PREX2: variants seen among roughly 807,000 people sequenced by gnomAD.
PREX2 encodes phosphatidylinositol 3,4,5-trisphosphate-dependent Rac exchanger 2 protein.
Under a neutral mutation model 203.2 loss-of-function variants are expected in PREX2, and 107 were observed. That is an observed-to-expected ratio of 0.53 (90% CI 0.45 to 0.62). The LOEUF (loss-of-function observed/expected upper bound fraction) is 0.62, where lower values mean the gene tolerates loss of function less well. Among genes scored for constraint, PREX2 ranks in the 20% least tolerant of loss-of-function variants. The probability of loss-of-function intolerance (pLI) is 0.00; values close to 1 mark genes in which losing one functional copy is unlikely to be tolerated. For missense variants in PREX2, 1,777 were observed against 1,955.9 expected (o/e 0.91, Z 1.72); for synonymous variants, 672 against 663.6 (o/e 1.01, Z -0.19).
intron 39 of PREX2, among the ~76,000 whole-genome samples, chr8:68,230,987 A>G (rs948942837): frequency 6.6e-6 from 1 of 152,162 alleles, no homozygotes; most frequent in Non-Finnish European, 1.5e-5. Flanking sequence ...CATGATGGTA[A>G]TTATCGTAAT....
intron 39 of PREX2, among the ~76,000 whole-genome samples, chr8:68,229,087 A>G (rs1439750393): frequency 6.6e-6 from 1 of 152,064 alleles, no homozygotes; most frequent in Non-Finnish European, 1.5e-5. Flanking sequence ...TTGATGCTTT[A>G]ACCTTGAAAG....
intron 35 of PREX2, among the ~76,000 whole-genome samples, chr8:68,182,359 T>A (rs147945731): frequency 2.0e-5 from 3 of 152,246 alleles, no homozygotes; most frequent in Non-Finnish European, 4.4e-5. Flanking sequence ...TATTTTTCTC[T>A]TGACTATAGT....
At chr8:67,960,495 C>CA (rs1248470536) in intron 1 of PREX2, among the ~76,000 whole-genome samples, 1 of 152,098 alleles carries the variant, frequency 6.6e-6, no homozygotes, top group Non-Finnish European at 1.5e-5. Context: ...AGCCTGGAGG[C>CA]ATAAGGACAA....
intron 7 of PREX2, among the ~76,000 whole-genome samples, chr8:68,042,388 A>C (rs929821325): frequency 2.0e-5 from 3 of 152,066 alleles, no homozygotes; most frequent in Non-Finnish European, 4.4e-5. Flanking sequence ...CTTGTTTAGG[A>C]GTTTTAAAAA....
chr8:68,194,921 A>G (rs919452858), intron 37 of PREX2, among the ~76,000 whole-genome samples: 3 of 143,834 alleles, frequency 2.1e-5, no homozygotes, highest in Non-Finnish European at 3.1e-5. Flanking sequence ...TGTTCAAGCA[A>G]CAACAAGGAG....
chr8:68,023,281 C>A (rs574396788), intron 4 of PREX2, among the ~76,000 whole-genome samples: 2 of 152,240 alleles, frequency 1.3e-5, no homozygotes, highest in South Asian at 4.1e-4. Context: ...ATATCTTTGC[C>A]AACACTTGGC....
intron 35 of PREX2, among the ~76,000 whole-genome samples, chr8:68,182,638 G>A (rs1382717593): frequency 2.6e-5 from 4 of 151,832 alleles, no homozygotes; most frequent in Admixed American, 2.0e-4. Flanking sequence ...TGTAAGTATA[G>A]TAACTTCAAC....
rs527588238 is a variant in PREX2 at position 68,231,470 on chromosome 8, A to G, written c.*92A>G. The G allele has an allele frequency of 5.2e-4, 468 of 897,422 alleles. 3 individuals carry two copies. In the African/African-American group the frequency reaches 8.2e-3, roughly 16 times the overall value. 55.6% of individuals were successfully genotyped at this position (897,422 alleles called of 1,614,324 possible). On this transcript the variant is annotated 3_prime_UTR_variant, in exon 40 of 40. Transcript: ENST00000288368. Reference sequence around the variant, plus strand: ...GCTAAACATTCTCCACTGAAGATACATCAATGCTTTTTTTTTTTTTTTTTT... The same window carrying G: ...GCTAAACATTCTCCACTGAAGATACGTCAATGCTTTTTTTTTTTTTTTTTT...
intron 15 of PREX2, among the ~76,000 whole-genome samples, 161 bp from the exon 16 acceptor site, chr8:68,080,282 G>T (rs202097107): frequency 1.3e-5 from 2 of 150,730 alleles, no homozygotes; most frequent in African/African-American, 4.9e-5. Context: ...TATAGAAAGA[G>T]AAAAAAAACA....
At chr8:68,228,136 C>T (rs117255082) in intron 39 of PREX2, among the ~76,000 whole-genome samples, 2 of 152,288 alleles carry the variant, frequency 1.3e-5, no homozygotes, top group East Asian at 3.9e-4. Context: ...TACATTGGCT[C>T]TTCAGGGCAA....
At chr8:68,146,580 G>A (rs866952269) in intron 34 of PREX2, among the ~76,000 whole-genome samples, 7 of 152,140 alleles carry the variant, frequency 4.6e-5, no homozygotes, top group Non-Finnish European at 1.0e-4. Flanking sequence ...CATGAGTGGT[G>A]TAGATAAAGA....
At chr8:68,204,499 C>T (rs537566435) in intron 37 of PREX2, among the ~76,000 whole-genome samples, 2 of 152,038 alleles carry the variant, frequency 1.3e-5, no homozygotes, top group South Asian at 2.1e-4. Flanking sequence ...AATTCGATTG[C>T]TTTTTTGCCC....
chr8:68,145,242 C>G (rs989117326), intron 33 of PREX2, among the ~76,000 whole-genome samples: 1 of 151,884 alleles, frequency 6.6e-6, no homozygotes, highest in Non-Finnish European at 1.5e-5. Context: ...AAAATAGTAA[C>G]AAAAATAAAA....
intron 25 of PREX2, chr8:68,111,017 C>G: frequency 2.6e-6 from 1 of 377,994 alleles, no homozygotes; most frequent in Non-Finnish European, 5.2e-6. Context: ...GTGTTGGAAT[C>G]CTTGTGACAG....
At chr8:68,003,884 C>T (rs568397219) in intron 1 of PREX2, among the ~76,000 whole-genome samples, 55 of 143,820 alleles carry the variant, frequency 3.8e-4, no homozygotes, top group Middle Eastern at 3.7e-3. Context: ...GAGTCTCACC[C>T]TCTCGCCAGG....
intron 8 of PREX2, among the ~76,000 whole-genome samples, chr8:68,051,475 T>G (rs1399976320): frequency 6.6e-6 from 1 of 152,170 alleles, no homozygotes; most frequent in East Asian, 1.9e-4. Flanking sequence ...CTGGTCTTGT[T>G]AGGTTACAAG....
rs10581964 is a variant in PREX2 at position 68,231,477 on chromosome 8, CTTTT to C, written c.*114_*117del. 1,268 of 472,114 alleles carry C rather than the reference CTTTT, an allele frequency of 2.7e-3. No homozygotes were observed. Among genetic ancestry groups the C allele is most frequent in the South Asian group, 5.4e-3 (108 of 20,112 alleles). The allele number at this position is 472,114 out of a possible 1,614,324, so 29.2% of individuals were successfully genotyped here. On this transcript the variant is annotated 3_prime_UTR_variant, in exon 40 of 40. Transcript: ENST00000288368. Reference sequence around the variant, plus strand: ...ATTCTCCACTGAAGATACATCAATGCTTTTTTTTTTTTTTTTTTCTGTAAATCTT... The same window carrying C: ...ATTCTCCACTGAAGATACATCAATGCTTTTTTTTTTTTTTCTGTAAATCTT...
At position 68,080,761 on chromosome 8, in the gene PREX2, G is replaced by T; in HGVS notation, c.1801G>T (p.Gly601Cys). The change falls in exon 17 of 40, where the codon GGC becomes TGC. Residue 601 changes from glycine to cysteine, a missense_variant. Physicochemically the swap from Gly to Cys is radical, Grantham distance 159. Coordinates refer to ENST00000288368, the MANE Select transcript of PREX2 (RefSeq NM_024870.4). ...TGCATTTCAGATTAAATCCAATGAAGGCAGCTATGGCTTTGGATTAGAAGA... is the reference window on the plus strand; with the variant it reads ...TGCATTTCAGATTAAATCCAATGAATGCAGCTATGGCTTTGGATTAGAAGA... ...AKSLLIKSNE[G>C]SYGFGLEDKN... 6.4e-7 allele frequency: 1 copy of T among 1,563,792 alleles called. No individual in the cohort carries two copies. The highest frequency in any genetic ancestry group is 8.7e-7 in the Non-Finnish European group (1 of 1,146,314).
rs145428600 is a variant in PREX2, at chr8:68,228,027, G to T, written c.4776-3306G>T. Among the ~76,000 whole-genome samples, 3 of 152,204 alleles carry T rather than the reference G, an allele frequency of 2.0e-5. No homozygotes were observed. The East Asian group carries it at 5.8e-4, about 29-fold the overall frequency. ...AGCTTGCAGCCTAGTAGAATACAAA[G>T]ACAAAATAAATTTAGAGAATCAAGT... On this transcript the variant is annotated intron_variant, in intron 39 of 39. Transcript: ENST00000288368.
Sources: gnomAD v4.1 joint callset for allele counts (sites outside exome capture counted in the v4.1 genomes callset) on GRCh38, gnomAD v4.1.1 for gene constraint, MANE v1.5 for transcripts, NCBI Gene and HGNC (gene_info 2026-07-23, HGNC 2026-07-21) for gene names.